Variants in RC3H1 observed in about 807,000 individuals in gnomAD.
RC3H1 encodes roquin-1.
A neutral mutation model predicts 138.2 loss-of-function variants in RC3H1; 50 were observed. The observed-to-expected ratio is 0.36, with a 90% CI of 0.29 to 0.46. RC3H1 has a LOEUF of 0.46. Ranked by LOEUF, RC3H1 falls within the 20% of genes least tolerant of loss-of-function variation. The probability of loss-of-function intolerance (pLI) is 1.00; values close to 1 mark genes in which losing one functional copy is unlikely to be tolerated. For missense variants in RC3H1, 1,031 were observed against 1,388.1 expected (o/e 0.74, Z 4.09); for synonymous variants, 462 against 489.1 (o/e 0.94, Z 0.73).
At chr1:174,005,792 GTGATCCATGCAACAGTCCTCTATGT>G in intron 1 of RC3H1, among the ~76,000 whole-genome samples, 1 of 152,320 alleles carries the variant, frequency 6.6e-6, no homozygotes, top group South Asian at 2.1e-4. Context: ...TACTTAAGCT[GTGATCCATGCAACAGTCCTCTATGT>G]TGATGAGCCA....
At chr1:173,966,738 TA>T (rs1660136189) in intron 9 of RC3H1, among the ~76,000 whole-genome samples, 1 of 150,896 alleles carries the variant, frequency 6.6e-6, no homozygotes, top group South Asian at 2.1e-4. Context: ...AAAAAGTAAA[TA>T]AAAAAATAAA....
chr1:173,964,390 TGCTCTGTC>T (rs890560581), intron 10 of RC3H1, among the ~76,000 whole-genome samples: 11 of 152,216 alleles, frequency 7.2e-5, no homozygotes, highest in East Asian at 3.9e-4. Context: ...CTCGCTCTGT[TGCTCTGTC>T]GCTCTGTCAC....
chr1:173,941,480 T>C, intron 18 of RC3H1, 100 bp from the exon 19 acceptor site: 1 of 710,626 alleles, frequency 1.4e-6, no homozygotes, highest in South Asian at 1.7e-5. Flanking sequence ...CCAGAAATCA[T>C]ATTCAATTTT....
Position 174,011,269 on chromosome 1 carries a change from A to AT in RC3H1, c.-151+10826dup, listed in dbSNP as rs202158373. Among the ~76,000 whole-genome samples the AT allele has an allele frequency of 4.8e-4, 73 of 151,930 alleles. 1 individual carries two copies. Among genetic ancestry groups the AT allele is most frequent in the Admixed American group, 1.2e-3 (18 of 15,252 alleles). ...ATAAATCCAAAGAATCCATAACTCA[A>AT]TTAAAAAAAAAACACTATATGAAGA... On this transcript the variant is annotated intron_variant, in intron 1 of 19. Transcript: ENST00000367696.
At chr1:173,967,467 C>G (rs1660170838) in intron 9 of RC3H1, among the ~76,000 whole-genome samples, 1 of 152,188 alleles carries the variant, frequency 6.6e-6, no homozygotes, top group Non-Finnish European at 1.5e-5. Context: ...TCCTACTGAT[C>G]ATGAAGAAAA....
intron 13 of RC3H1, among the ~76,000 whole-genome samples, chr1:173,957,704 G>A (rs73041050): frequency 0.017 from 2,562 of 151,736 alleles, 86 homozygotes; most frequent in African/African-American, 0.059. Context: ...GACTGTAGGC[G>A]TGTCCCACCA....
intron 1 of RC3H1, among the ~76,000 whole-genome samples, chr1:174,010,345 C>A (rs190101448): frequency 1.5e-5 from 2 of 134,966 alleles, no homozygotes; most frequent in Non-Finnish European, 2.9e-5. Flanking sequence ...CTGATATAGT[C>A]CTGAATGAAA....
Position 173,993,146 on chromosome 1 carries a change from AG to A in RC3H1, c.-150-12del. 1.7e-6 allele frequency: 1 copy of A among 596,336 alleles called. No homozygotes were observed. Among genetic ancestry groups the A allele is most frequent in the Admixed American group, 3.0e-5 (1 of 33,088 alleles). 36.9% of individuals were successfully genotyped at this position (596,336 alleles called of 1,614,324 possible). A position where few individuals can be genotyped will look rare whatever the true frequency, so the allele number is the denominator to read the frequency against. ...AGTGTGAAATATAACCTGAAAATAA[AG>A]AAAAAGGAAAAAAATTGAGTGTCTT... On this transcript the variant is annotated splice_polypyrimidine_tract_variant and intron_variant, in intron 1 of 19. Coordinates refer to ENST00000367696, the MANE Select transcript of RC3H1 (RefSeq NM_172071.4).
chr1:173,993,928 G>A (rs1319941928), intron 1 of RC3H1, among the ~76,000 whole-genome samples: 1 of 149,028 alleles, frequency 6.7e-6, no homozygotes, highest in Non-Finnish European at 1.5e-5. Context: ...GCTGAGGCGG[G>A]AGAATCGCTT....
At position 173,947,570 on chromosome 1, in the gene RC3H1, T is replaced by C; in HGVS notation, c.2536A>G (p.Lys846Glu). Residue 846 changes from lysine to glutamate, a missense_variant, in exon 15 of 20, where the codon AAA (lysine) becomes GAA (glutamate). Physicochemically the swap from Lys to Glu is moderately conservative, Grantham distance 56. Transcript: ENST00000367696. ...TCTAATCGCTGGTCCCTCATTCCTT[T>C]ACTCTCCACATTCTGATAAAAAAGC... Reference protein sequence around the residue: ...GSVEMMNVESKGMRDQRLDLQ... With the variant: ...GSVEMMNVESEGMRDQRLDLQ... 1 of 1,613,928 alleles carries C rather than the reference T, an allele frequency of 6.2e-7. No homozygotes were observed. The highest frequency in any genetic ancestry group is 1.1e-5 in the South Asian group (1 of 91,078).
intron 1 of RC3H1, among the ~76,000 whole-genome samples, chr1:174,007,350 A>G (rs1366869294): frequency 6.6e-6 from 1 of 151,648 alleles, no homozygotes; most frequent in Non-Finnish European, 1.5e-5. Flanking sequence ...AGATCACTCC[A>G]CTGCACTCCA....
At chr1:173,952,544 C>T (rs1296561120) in intron 13 of RC3H1, among the ~76,000 whole-genome samples, 1 of 151,928 alleles carries the variant, frequency 6.6e-6, no homozygotes, top group Non-Finnish European at 1.5e-5. Flanking sequence ...CTAGACCCTC[C>T]TCAACGTTTC....
At chr1:173,985,224 G>T (rs962853907) in intron 2 of RC3H1, among the ~76,000 whole-genome samples, 2 of 152,078 alleles carry the variant, frequency 1.3e-5, no homozygotes, top group African/African-American at 4.8e-5. Flanking sequence ...AGACATATAG[G>T]TTGTTTCTAT....
At chr1:173,984,691 C>T (rs1660953651) in intron 2 of RC3H1, 72 bp from the exon 3 acceptor site, 9 of 1,456,238 alleles carry the variant, frequency 6.2e-6, no homozygotes, top group African/African-American at 1.4e-5. Flanking sequence ...AGTTTATGCA[C>T]TCATAATGCT....
rs138267178 is a variant in RC3H1 at position 173,978,145 on chromosome 1, C to T, written c.1102+343G>A. On this transcript the variant is annotated intron_variant, in intron 7 of 19. Coordinates refer to ENST00000367696, the MANE Select transcript of RC3H1 (RefSeq NM_172071.4). ...GATCAAGGAAATGCAACTAAGGATACATAATACAGAAAAAAATGAGAAAAA... is the reference window on the plus strand; with the variant it reads ...GATCAAGGAAATGCAACTAAGGATATATAATACAGAAAAAAATGAGAAAAA... Among the ~76,000 whole-genome samples, 418 of 151,870 alleles carry T rather than the reference C, an allele frequency of 2.8e-3. 2 individuals are homozygous for T. The highest frequency in any genetic ancestry group is 8.4e-3 in the African/African-American group (346 of 41,424).
At chr1:173,994,462 A>G (rs949426901) in intron 1 of RC3H1, among the ~76,000 whole-genome samples, 1 of 152,182 alleles carries the variant, frequency 6.6e-6, no homozygotes, top group South Asian at 2.1e-4. Context: ...TTATATAAAC[A>G]TATGTTTCCT....
intron 1 of RC3H1, among the ~76,000 whole-genome samples, chr1:173,996,543 T>C (rs915221577): frequency 6.6e-6 from 1 of 152,176 alleles, no homozygotes; most frequent in Non-Finnish European, 1.5e-5. Flanking sequence ...TGCAGTCACC[T>C]AGACAGCTGG....
In RC3H1 at chr1:173,964,022, C is replaced by A; in HGVS notation, c.1782G>T (p.Gln594His). ...ATGGCGGAGCTGCTCCTCGAGGATC[C>A]TGATAATAAACATCCGTCTGTTGTG... Reference protein sequence around the residue: ...YPAQQTDVYYQDPRGAAPPFE... With the variant: ...YPAQQTDVYYHDPRGAAPPFE... The change falls in exon 11 of 20, where the codon CAG becomes CAT. Residue 594 changes from glutamine (Q) to histidine (H), a missense_variant. Gln to His is a conservative substitution (Grantham distance 24, BLOSUM62 0). Transcript: ENST00000367696. The A allele has an allele frequency of 6.2e-7, 1 of 1,614,060 alleles. No individual in the cohort carries two copies. The highest frequency in any genetic ancestry group is 8.5e-7 in the Non-Finnish European group (1 of 1,180,012).
intron 7 of RC3H1, among the ~76,000 whole-genome samples, chr1:173,973,031 A>T (rs1242581890): frequency 6.6e-6 from 1 of 152,248 alleles, no homozygotes. Context: ...TGGCACTGCC[A>T]GATACATTCA....
Sources: gnomAD v4.1 joint callset for allele counts (sites outside exome capture counted in the v4.1 genomes callset) on GRCh38, gnomAD v4.1.1 for gene constraint, MANE v1.5 for transcripts, NCBI Gene and HGNC (gene_info 2026-07-23, HGNC 2026-07-21) for gene names.